The following NPRL2 variants were observed in gnomAD, a reference collection of about 807,000 sequenced individuals.
NPRL2 encodes the protein GATOR1 complex protein NPRL2.
Under a neutral mutation model 51.1 loss-of-function variants are expected in NPRL2, and 21 were observed. That is an observed-to-expected ratio of 0.41 (90% CI 0.29 to 0.59). The LOEUF (loss-of-function observed/expected upper bound fraction) is 0.59, where lower values mean the gene tolerates loss of function less well. NPRL2 is among the 20% of genes least tolerant of loss of function. NPRL2 has a pLI of 0.29. For missense variants in NPRL2, 376 were observed against 483.4 expected, an observed-to-expected ratio of 0.78 and a Z score of 2.08; for synonymous variants, 175 against 187.8, an observed-to-expected ratio of 0.93 and a Z score of 0.56.
rs764112968 is a variant in NPRL2, at chr3:50,350,381, T to C, written c.78+194A>G. On this transcript the variant is annotated intron_variant, in intron 1 of 10. Coordinates refer to ENST00000232501, the MANE Select transcript of NPRL2 (RefSeq NM_006545.5). The surrounding 1 kb of genome is among the most constrained non-coding windows in gnomAD (Gnocchi z 5.7). The stretch of plus-strand genomic sequence containing the variant: ...CTACAGCCCGATATCCTACAAACAC[T>C]GCCAATGTGACGTATGTCTTCCCTG... The C allele has an allele frequency of 4.5e-5, 29 of 644,530 alleles. No homozygotes were observed. The highest frequency in any genetic ancestry group is 6.4e-5 in the Non-Finnish European group (24 of 375,444). 39.9% of individuals were successfully genotyped at this position (644,530 alleles called of 1,614,324 possible). A position where few individuals can be genotyped will look rare whatever the true frequency, so the allele number is the denominator to read the frequency against.
In NPRL2 at chr3:50,348,889, G is replaced by A. The variant is rs771886204; in HGVS notation, c.570C>T (p.Asp190=). ...DKEDFFNSQW[D]LTTQQILPYI... The stretch of plus-strand genomic sequence containing the variant: ...GATGGCATACTTGTTGTGTAGTGAG[G>A]TCCCACTGTGAGTTGAAGAAATCCT... Residue 190 remains aspartate, a synonymous_variant, in exon 5 of 11, where the codon GAC becomes GAT. Coordinates refer to ENST00000232501, the MANE Select transcript of NPRL2 (RefSeq NM_006545.5). This position sits in a 1 kb window ranked among gnomAD's most constrained non-coding sequence, Gnocchi z 5.8. The A allele has an allele frequency of 6.2e-7, 1 of 1,614,028 alleles. No individual in the cohort carries two copies. The highest frequency in any genetic ancestry group is 1.1e-5 in the South Asian group (1 of 91,082).
At position 50,347,590 on chromosome 3, in the gene NPRL2, C is replaced by T; in HGVS notation, c.*16G>A. ...GGACTACCCACAGCAATGTGTCCAT[C>T]CAGTCACTACCAGCCTCACTTCCAG... On this transcript the variant is annotated 3_prime_UTR_variant, in exon 11 of 11. Coordinates refer to ENST00000232501, the MANE Select transcript of NPRL2 (RefSeq NM_006545.5). The T allele has an allele frequency of 6.2e-7, 1 of 1,614,010 alleles. No individual in the cohort carries two copies. The highest frequency in any genetic ancestry group is 8.5e-7 in the Non-Finnish European group (1 of 1,179,994).
Position 50,350,762 on chromosome 3 carries a change from G to A in NPRL2, c.-110C>T, listed in dbSNP as rs1015084657. 16 of 1,487,454 alleles carry A rather than the reference G, an allele frequency of 1.1e-5. No individual in the cohort carries two copies. The highest frequency in any genetic ancestry group is 2.2e-5 in the Admixed American group (1 of 45,186). The allele number at this position is 1,487,454 out of a possible 1,614,324, so 92.1% of individuals were successfully genotyped here. ...CTCGAGGCCTGTGTCGCTGGGGCAC[G>A]CAAGCTTGCCAATCCCTCTGCCCAA... On this transcript the variant is annotated 5_prime_UTR_variant, in exon 1 of 11. Transcript: ENST00000232501. This position sits in a 1 kb window ranked among gnomAD's most constrained non-coding sequence, Gnocchi z 5.7.
rs921138581 is a variant in NPRL2, at chr3:50,348,964, G to A, written c.495C>T (p.Asp165=). 4 of 1,613,958 alleles carry A rather than the reference G, an allele frequency of 2.5e-6. No individual in the cohort carries two copies. The highest frequency in any genetic ancestry group is 3.4e-6 in the Non-Finnish European group (4 of 1,180,042). ...IHLKVIEQRP[D]PPVAQEYDVP... ...CATCATACTCCTGGGCCACCGGAGG[G>A]TCTGGCCGCTGCTCAATCACCTTCA... The change falls in exon 5 of 11, where the codon GAC becomes GAT. Residue 165 remains aspartate (D), a synonymous_variant. Transcript: ENST00000232501. The surrounding 1 kb of genome is among the most constrained non-coding windows in gnomAD (Gnocchi z 5.8).
rs1938219153 is a variant in NPRL2, at chr3:50,349,212, C to T, written c.448+174G>A. 2 of 840,166 alleles carry T rather than the reference C, an allele frequency of 2.4e-6. No individual in the cohort carries two copies. Among genetic ancestry groups the T allele is most frequent in the African/African-American group, 3.4e-5 (2 of 58,932 alleles). The allele number at this position is 840,166 out of a possible 1,614,324, so 52.0% of individuals were successfully genotyped here. A position where few individuals can be genotyped will look rare whatever the true frequency, so the allele number is the denominator to read the frequency against. On this transcript the variant is annotated intron_variant, in intron 4 of 10. Transcript: ENST00000232501. This position sits in a 1 kb window ranked among gnomAD's most constrained non-coding sequence, Gnocchi z 4.6. ...AGAGCTGGAGAGCTCTGCTTTCCCC[C>T]TACCCCCAGTCCCAGCTCCATCATG...
chr3:50,349,212 C>G lies in NPRL2; in HGVS notation c.448+174G>C. ...AGAGCTGGAGAGCTCTGCTTTCCCC[C>G]TACCCCCAGTCCCAGCTCCATCATG... On this transcript the variant is annotated intron_variant, in intron 4 of 10. Coordinates refer to ENST00000232501, the MANE Select transcript of NPRL2 (RefSeq NM_006545.5). This position sits in a 1 kb window ranked among gnomAD's most constrained non-coding sequence, Gnocchi z 4.6. 1 of 840,166 alleles carries G rather than the reference C, an allele frequency of 1.2e-6. No individual in the cohort carries two copies. The highest frequency in any genetic ancestry group is 1.7e-5 in the South Asian group (1 of 59,386). The allele number at this position is 840,166 out of a possible 1,614,324, so 52.0% of individuals were successfully genotyped here. A position where few individuals can be genotyped will look rare whatever the true frequency, so the allele number is the denominator to read the frequency against.
In NPRL2 at chr3:50,349,725, G is replaced by A; in HGVS notation, c.279C>T (p.Ala93=). The change falls in exon 3 of 11, where the codon GCC becomes GCT. Residue 93 remains alanine, a synonymous_variant. Coordinates refer to ENST00000232501, the MANE Select transcript of NPRL2 (RefSeq NM_006545.5). This position sits in a 1 kb window ranked among gnomAD's most constrained non-coding sequence, Gnocchi z 4.6. The part of the protein sequence containing the change: ...FNLGFVCDAQ[A]KTCALEPIVK... ...CAATGGGCTCGAGGGCGCAGGTCTT[G>A]GCCTGGGCATCACACACGAAGCCCA... 1 of 1,613,954 alleles carries A rather than the reference G, an allele frequency of 6.2e-7. No individual in the cohort carries two copies. Among genetic ancestry groups the A allele is most frequent in the Non-Finnish European group, 8.5e-7 (1 of 1,180,000 alleles).
chr3:50,348,059 A>G lies in NPRL2; in HGVS notation c.932+65T>C. The G allele has an allele frequency of 1.3e-6, 2 of 1,593,068 alleles. No homozygotes were observed. The highest frequency in any genetic ancestry group is 1.7e-6 in the Non-Finnish European group (2 of 1,162,204). On this transcript the variant is annotated intron_variant, in intron 9 of 10. Coordinates refer to ENST00000232501, the MANE Select transcript of NPRL2 (RefSeq NM_006545.5). The surrounding 1 kb of genome is among the most constrained non-coding windows in gnomAD (Gnocchi z 5.8). ...AGTGCCCCATGATCCAGGGCTCCTG[A>G]GAGACATAAAGGGTCTAGCTTCCCT...
chr3:50,350,106 G>C lies in NPRL2; in HGVS notation c.79-84C>G. 1 of 1,099,062 alleles carries C rather than the reference G, an allele frequency of 9.1e-7. No individual in the cohort carries two copies. Among genetic ancestry groups the C allele is most frequent in the Admixed American group, 1.8e-5 (1 of 55,420 alleles). 68.1% of individuals were successfully genotyped at this position (1,099,062 alleles called of 1,614,324 possible). ...ATGGTGACCTCCTCATGCCCCCCAA[G>C]CCCAAGTCCTCTTCTCCAGCGTTCC... On this transcript the variant is annotated intron_variant, in intron 1 of 10. Transcript: ENST00000232501. The surrounding 1 kb of genome is among the most constrained non-coding windows in gnomAD (Gnocchi z 5.7).
chr3:50,348,221 G>C lies in NPRL2; in HGVS notation c.835C>G (p.Arg279Gly), dbSNP rs34059532. The change falls in exon 9 of 11, where the codon CGG (arginine) becomes GGG (glycine). Residue 279 changes from arginine (R) to glycine (G), a missense_variant. Transcript: ENST00000232501. This position sits in a 1 kb window ranked among gnomAD's most constrained non-coding sequence, Gnocchi z 5.8. ...CTGCAGTATAGCTGGAACACATCCCGGAGACTGGCCCTCTTGTGCCCTGTG... is the reference window on the plus strand; with the variant it reads ...CTGCAGTATAGCTGGAACACATCCCCGAGACTGGCCCTCTTGTGCCCTGTG... The part of the protein sequence containing the change: ...TKQGHKRASL[R>G]DVFQLYCSLS... 1.2e-6 allele frequency: 2 copies of C among 1,613,964 alleles called. No individual in the cohort carries two copies. The highest frequency in any genetic ancestry group is 1.7e-6 in the Non-Finnish European group (2 of 1,180,024).
chr3:50,348,962 G>C lies in NPRL2; in HGVS notation c.497C>G (p.Pro166Arg). ...HLKVIEQRPD[P>R]PVAQEYDVPV... ...TACATCATACTCCTGGGCCACCGGA[G>C]GGTCTGGCCGCTGCTCAATCACCTT... The change falls in exon 5 of 11, where the codon CCT becomes CGT. Residue 166 changes from proline to arginine, a missense_variant. Physicochemically the swap from Pro to Arg is moderately radical, Grantham distance 103. Transcript: ENST00000232501. The surrounding 1 kb of genome is among the most constrained non-coding windows in gnomAD (Gnocchi z 5.8). 5 of 1,614,062 alleles carry C rather than the reference G, an allele frequency of 3.1e-6. No homozygotes were observed. The highest frequency in any genetic ancestry group is 4.2e-6 in the Non-Finnish European group (5 of 1,180,024).
chr3:50,347,890 T>G lies in NPRL2; in HGVS notation c.944A>C (p.Gln315Pro). Residue 315 changes from glutamine (Q) to proline (P), a missense_variant, in exon 10 of 11, where the codon CAG becomes CCG. Transcript: ENST00000232501. ...LQHVDERKLI[Q>P]FGLMKNLIRR... is the part of the protein sequence containing the mutation. The stretch of plus-strand genomic sequence containing the variant: ...GATGAGGTTCTTCATAAGCCCGAAC[T>G]GGATCAGCTTCCTAGGGTGAGGATC... The G allele has an allele frequency of 6.2e-7, 1 of 1,614,048 alleles. No individual in the cohort carries two copies. Among genetic ancestry groups the G allele is most frequent in the Non-Finnish European group, 8.5e-7 (1 of 1,180,032 alleles).
At position 50,349,319 on chromosome 3, in the gene NPRL2, G is replaced by A; in HGVS notation, c.448+67C>T. Reference sequence around the variant, plus strand: ...GTTCATGAGTCTTGCCCTTCTCCCTGACTAGCTGGGTTCACTTTCCCATCT... The same window carrying A: ...GTTCATGAGTCTTGCCCTTCTCCCTAACTAGCTGGGTTCACTTTCCCATCT... On this transcript the variant is annotated intron_variant, in intron 4 of 10. Transcript: ENST00000232501. This position sits in a 1 kb window ranked among gnomAD's most constrained non-coding sequence, Gnocchi z 4.6. The A allele has an allele frequency of 5.1e-6, 7 of 1,386,014 alleles. No individual in the cohort carries two copies. The highest frequency in any genetic ancestry group is 7.2e-6 in the Non-Finnish European group (7 of 977,648). 85.9% of individuals were successfully genotyped at this position (1,386,014 alleles called of 1,614,324 possible). A position where few individuals can be genotyped will look rare whatever the true frequency, so the allele number is the denominator to read the frequency against.
rs772712667 is a variant in NPRL2, at chr3:50,347,744, C to A, written c.1075+15G>T. On this transcript the variant is annotated intron_variant, in intron 10 of 10. Coordinates refer to ENST00000232501, the MANE Select transcript of NPRL2 (RefSeq NM_006545.5). Reference sequence around the variant, plus strand: ...CCCTGCCCTGAACCCACCCTGACTGCCCGCCTGCCTCCACCTGTCTTGCAG... The same window carrying A: ...CCCTGCCCTGAACCCACCCTGACTGACCGCCTGCCTCCACCTGTCTTGCAG... 2.5e-6 allele frequency: 4 copies of A among 1,613,820 alleles called. No individual in the cohort carries two copies. In the East Asian group the frequency reaches 6.7e-5, roughly 27 times the overall value.
Position 50,348,676 on chromosome 3 carries a change from C to A in NPRL2, c.683+9G>T. ...ACCTTGTCCCAGGTATGACTGTAGG[C>A]CCACTCACAGCAGGTTCTGGATAGC... On this transcript the variant is annotated intron_variant, in intron 6 of 10. Coordinates refer to ENST00000232501, the MANE Select transcript of NPRL2 (RefSeq NM_006545.5). This position sits in a 1 kb window ranked among gnomAD's most constrained non-coding sequence, Gnocchi z 5.8. 6.2e-7 allele frequency: 1 copy of A among 1,613,960 alleles called. No individual in the cohort carries two copies. Among genetic ancestry groups the A allele is most frequent in the Middle Eastern group, 1.6e-4 (1 of 6,062 alleles).
Position 50,348,336 on chromosome 3 carries a change from T to C in NPRL2, c.795A>G (p.Leu265=), listed in dbSNP as rs764862811. 4 of 1,613,942 alleles carry C rather than the reference T, an allele frequency of 2.5e-6. No individual in the cohort carries two copies. Among genetic ancestry groups the C allele is most frequent in the South Asian group, 2.2e-5 (2 of 91,088 alleles). The part of the protein sequence containing the change: ...VDDKSLQEAC[L]SYVTKQGHKR... ...CACTACCTTGCTTGGTCACGTAGGATAGACATGCCTCTTGCAGGGACTTGT... is the reference window on the plus strand; with the variant it reads ...CACTACCTTGCTTGGTCACGTAGGACAGACATGCCTCTTGCAGGGACTTGT... The change falls in exon 8 of 11, where the codon CTA becomes CTG. Residue 265 remains leucine (L), a synonymous_variant. Transcript: ENST00000232501. This position sits in a 1 kb window ranked among gnomAD's most constrained non-coding sequence, Gnocchi z 5.8.
chr3:50,348,856 C>T lies in NPRL2; in HGVS notation c.585+18G>A. The T allele has an allele frequency of 6.2e-7, 1 of 1,613,956 alleles. No homozygotes were observed. The highest frequency in any genetic ancestry group is 1.7e-5 in the Admixed American group (1 of 60,030). ...GTGGCCAGCCCCAGGTGATGATACC[C>T]AGGGAGGGATGGCATACTTGTTGTG... On this transcript the variant is annotated intron_variant, in intron 5 of 10. Transcript: ENST00000232501. The surrounding 1 kb of genome is among the most constrained non-coding windows in gnomAD (Gnocchi z 5.8).
chr3:50,350,044 G>C lies in NPRL2; in HGVS notation c.79-22C>G, dbSNP rs772829223. ...GGACCTGGGGAGGGGAGTGGCAATG[G>C]GCCCCTCAGTGGACATCTGTACTGG... On this transcript the variant is annotated intron_variant, in intron 1 of 10. Transcript: ENST00000232501. The surrounding 1 kb of genome is among the most constrained non-coding windows in gnomAD (Gnocchi z 5.7). 13 of 1,591,882 alleles carry C rather than the reference G, an allele frequency of 8.2e-6. No individual in the cohort carries two copies. Among genetic ancestry groups the C allele is most frequent in the Non-Finnish European group, 1.0e-5 (12 of 1,161,132 alleles).
At position 50,348,117 on chromosome 3, in the gene NPRL2, C is replaced by A. The variant is rs1293127579; in HGVS notation, c.932+7G>T. On this transcript the variant is annotated splice_region_variant and intron_variant, in intron 9 of 10. Coordinates refer to ENST00000232501, the MANE Select transcript of NPRL2 (RefSeq NM_006545.5). This position sits in a 1 kb window ranked among gnomAD's most constrained non-coding sequence, Gnocchi z 5.8. ...CTCCCAAATGCCCCAGCAAATTCTC[C>A]TCTGACCGTTCATCAACATGCTGCA... 1 of 1,613,860 alleles carries A rather than the reference C, an allele frequency of 6.2e-7. No individual in the cohort carries two copies. The highest frequency in any genetic ancestry group is 1.7e-5 in the Admixed American group (1 of 60,020).
Sources: gnomAD v4.1 joint callset for allele counts on GRCh38, gnomAD v4.1.1 for gene constraint, Gnocchi (gnomAD v3.1) non-coding constraint, MANE v1.5 for transcripts, NCBI Gene and HGNC (gene_info 2026-07-23, HGNC 2026-07-21) for gene names.